The following SEMA6D variants were observed in gnomAD, a reference collection of about 807,000 sequenced individuals.
SEMA6D encodes semaphorin-6D.
Under a neutral mutation model 106.6 loss-of-function variants are expected in SEMA6D, and 35 were observed. The ratio of observed to expected loss-of-function variants is 0.33; its 90% confidence interval spans 0.25 to 0.44. The LOEUF (loss-of-function observed/expected upper bound fraction) is 0.44, where lower values mean the gene tolerates loss of function less well. SEMA6D is among the 20% of genes least tolerant of loss of function. SEMA6D has a pLI of 1.00. For missense variants in SEMA6D, 1,185 were observed against 1,345.9 expected (o/e 0.88, Z 1.87); for synonymous variants, 499 against 487.7 (o/e 1.02, Z -0.31).
intron 4 of SEMA6D, among the ~76,000 whole-genome samples, chr15:47,612,644 A>G (rs2076930564): frequency 6.6e-6 from 1 of 152,228 alleles, no homozygotes; most frequent in South Asian, 2.1e-4. Flanking sequence ...ATCTGGGCTT[A>G]GAAAATGTGT....
intron 2 of SEMA6D, among the ~76,000 whole-genome samples, chr15:47,440,100 A>G (rs1212045003): frequency 6.6e-6 from 1 of 152,110 alleles, no homozygotes; most frequent in Non-Finnish European, 1.5e-5. Context: ...CAGGGAGGCT[A>G]TGAATATGCC....
intron 4 of SEMA6D, among the ~76,000 whole-genome samples, chr15:47,660,978 C>G (rs1427485729): frequency 6.6e-6 from 1 of 152,136 alleles, no homozygotes; most frequent in South Asian, 2.1e-4. Context: ...TGGAGCAGGT[C>G]GGTTTTGAAC....
At chr15:47,716,925 G>A (rs1325427880), upstream of SEMA6D, 2 of 138,366 alleles carry the variant, frequency 1.4e-5, no homozygotes, top group Non-Finnish European at 3.1e-5. Context: ...AAAGAGAAAT[G>A]GGGGGCGGGG....
intron 1 of SEMA6D, chr15:47,398,000 A>G (rs1289908398): frequency 2.6e-5 from 4 of 152,312 alleles, no homozygotes; most frequent in Admixed American, 2.0e-4. Context: ...CCGCTATACA[A>G]ATTGAAAGGG....
intron 3 of SEMA6D, among the ~76,000 whole-genome samples, chr15:47,588,068 T>C (rs545885034): frequency 1.3e-5 from 2 of 152,260 alleles, no homozygotes; most frequent in East Asian, 1.9e-4. Flanking sequence ...CTGACACTCA[T>C]AGAAAGACTG....
At chr15:47,406,888 A>G (rs920832981) in intron 1 of SEMA6D, among the ~76,000 whole-genome samples, 3 of 152,172 alleles carry the variant, frequency 2.0e-5, no homozygotes, top group East Asian at 1.9e-4. Context: ...AAAACATCAC[A>G]TCGTGTACCC....
intron 4 of SEMA6D, among the ~76,000 whole-genome samples, chr15:47,651,567 C>T (rs148913606): frequency 6.6e-6 from 1 of 152,302 alleles, no homozygotes; most frequent in African/African-American, 2.4e-5. Flanking sequence ...AATCTTAATG[C>T]ATAAAGAGTG....
chr15:47,370,497 A>G (rs1332767339), intron 1 of SEMA6D, among the ~76,000 whole-genome samples: 1 of 152,034 alleles, frequency 6.6e-6, no homozygotes, highest in Non-Finnish European at 1.5e-5. Context: ...CCTGGGTGAC[A>G]GAGACAGACT....
intron 3 of SEMA6D, among the ~76,000 whole-genome samples, chr15:47,569,534 A>C (rs921608457): frequency 6.6e-6 from 1 of 152,074 alleles, no homozygotes; most frequent in African/African-American, 2.4e-5. Context: ...CAGCCAACCA[A>C]GGAGACCACA....
intron 2 of SEMA6D, among the ~76,000 whole-genome samples, chr15:47,440,518 T>C (rs1291039200): frequency 1.3e-5 from 2 of 151,976 alleles, no homozygotes; most frequent in African/African-American, 4.8e-5. Flanking sequence ...AACAGAGCCC[T>C]GGGGAAAGAA....
At chr15:47,300,812 A>G (rs983341176) in intron 1 of SEMA6D, among the ~76,000 whole-genome samples, 1 of 152,234 alleles carries the variant, frequency 6.6e-6, no homozygotes, top group South Asian at 2.1e-4. Context: ...GCTTAGGCCA[A>G]CACAGCTGTT....
intron 4 of SEMA6D, among the ~76,000 whole-genome samples, chr15:47,697,717 TA>T (rs2078728516): frequency 6.6e-6 from 1 of 152,244 alleles, no homozygotes; most frequent in Non-Finnish European, 1.5e-5. Flanking sequence ...AAATTAATTC[TA>T]ATTAATCTAA....
At chr15:47,452,638 A>G (rs1042451778) in intron 2 of SEMA6D, among the ~76,000 whole-genome samples, 19 of 151,920 alleles carry the variant, frequency 1.3e-4, no homozygotes, top group Non-Finnish European at 2.2e-4. Context: ...TTTATTTTTT[A>G]AATAATATTT....
chr15:47,703,137 C>T (rs770515543), intron 4 of SEMA6D, among the ~76,000 whole-genome samples: 14 of 152,102 alleles, frequency 9.2e-5, no homozygotes, highest in Non-Finnish European at 1.6e-4. Flanking sequence ...CAAAAAGACA[C>T]GATCCACTGA....
intron 4 of SEMA6D, among the ~76,000 whole-genome samples, chr15:47,694,560 G>A (rs926057455): frequency 6.6e-6 from 1 of 152,000 alleles, no homozygotes; most frequent in Admixed American, 6.6e-5. Flanking sequence ...GGCCTGCTTG[G>A]GTGAAACATA....
Position 47,210,762 on chromosome 15 carries a change from C to T in SEMA6D, c.-239+26344C>T, listed in dbSNP as rs1156643183. Among the ~76,000 whole-genome samples, 6 of 74,294 alleles carry T rather than the reference C, an allele frequency of 8.1e-5. No individual in the cohort carries two copies. In the East Asian group the frequency reaches 3.1e-3, roughly 38 times the overall value. The allele number at this position is 74,294 out of a possible 152,430, so 48.7% of individuals were successfully genotyped here. A position where few individuals can be genotyped will look rare whatever the true frequency, so the allele number is the denominator to read the frequency against. ...CCTGGGCGACAGAGGGAGACTCCGTCTCAAAAAAAAAAAAAAAAAAAAAAA... is the reference window on the plus strand; with the variant it reads ...CCTGGGCGACAGAGGGAGACTCCGTTTCAAAAAAAAAAAAAAAAAAAAAAA... On this transcript the variant is annotated intron_variant, in intron 1 of 19. Coordinates refer to the SEMA6D transcript ENST00000558014.
intron 1 of SEMA6D, among the ~76,000 whole-genome samples, chr15:47,725,855 T>G (rs1401788931): frequency 6.9e-6 from 1 of 145,552 alleles, no homozygotes; most frequent in African/African-American, 2.4e-5. Context: ...TTCCATGGTA[T>G]ATTTAAGTCT....
chr15:47,223,486 A>G (rs62013974), intron 1 of SEMA6D, among the ~76,000 whole-genome samples: 1,866 of 152,062 alleles, frequency 0.012, 57 homozygotes, highest in Admixed American at 0.013. Context: ...CGCCTGTGGC[A>G]GTACTTTTTA....
In SEMA6D at chr15:47,627,024, A is replaced by G. The variant is rs116024074; in HGVS notation, c.-55+26128A>G. ...CAAAGAAGTTTAATTTACAAATGCA[A>G]GTTGGTGAGCAAGAGAGAATGTGAC... On this transcript the variant is annotated intron_variant, in intron 4 of 19. Transcript: ENST00000558014. Among the ~76,000 whole-genome samples, 558 of 152,270 alleles carry G rather than the reference A, an allele frequency of 3.7e-3. 3 individuals carry two copies. Among genetic ancestry groups the G allele is most frequent in the African/African-American group, 0.013 (534 of 41,570 alleles).
Sources: gnomAD v4.1 joint callset for allele counts (sites outside exome capture counted in the v4.1 genomes callset) on GRCh38, gnomAD v4.1.1 for gene constraint, MANE v1.5 for transcripts, NCBI Gene and HGNC (gene_info 2026-07-23, HGNC 2026-07-21) for gene names.